Variants in PCYOX1 observed in about 807,000 individuals in gnomAD.
The protein encoded by PCYOX1 is prenylcysteine lyase.
PCYOX1 carries 46 observed loss-of-function variants against 46.4 expected under a neutral mutation model. That is an observed-to-expected ratio of 0.99 (90% CI 0.78 to 1.27). PCYOX1 has a LOEUF of 1.27. Among genes scored for constraint, PCYOX1 ranks in the 50% most tolerant of loss-of-function variants. The pLI is 0.00. For synonymous variants in PCYOX1, 220 were observed against 231.8 expected (o/e 0.95, Z 0.46); for missense variants, 658 against 628.3 (o/e 1.05, Z -0.51).
chr2:70,258,378 C>A (rs911683754), intron 1 of PCYOX1, 102 bp downstream of exon 1: 1 of 700,106 alleles, frequency 1.4e-6, no homozygotes, highest in Non-Finnish European at 2.2e-6. Context: ...CGCAGTCCAG[C>A]GGTGCAGGCC....
At position 70,277,903 on chromosome 2, in the gene PCYOX1, A is replaced by G. The variant is rs1696710377; in HGVS notation, c.*511A>G. ...AGTACCTGAGGGAGAACTTAAAGAC[A>G]TCTTAGTTGGGGAGTAGTCCTTTTG... is the stretch of plus-strand genomic sequence containing the variant. On this transcript the variant is annotated 3_prime_UTR_variant, in exon 6 of 6. Coordinates refer to ENST00000433351, the MANE Select transcript of PCYOX1 (RefSeq NM_016297.4). 1 of 152,646 alleles carries G rather than the reference A, an allele frequency of 6.6e-6. No individual in the cohort carries two copies. Among genetic ancestry groups the G allele is most frequent in the South Asian group, 2.1e-4 (1 of 4,836 alleles). The allele number at this position is 152,646 out of a possible 1,614,324, so 9.5% of individuals were successfully genotyped here. A position where few individuals can be genotyped will look rare whatever the true frequency, so the allele number is the denominator to read the frequency against.
At chr2:70,275,481 A>G (rs1312917400) in intron 4 of PCYOX1, 33 bp from the exon 5 acceptor site, 26 of 1,607,734 alleles carry the variant, frequency 1.6e-5, no homozygotes, top group Non-Finnish European at 2.1e-5. Context: ...ACAAAAAGTC[A>G]GAATTAAAAC....
chr2:70,268,968 T>G (rs1268809807), intron 3 of PCYOX1, among the ~76,000 whole-genome samples: 5 of 152,088 alleles, frequency 3.3e-5, no homozygotes. Context: ...CTTTTTTTGT[T>G]TAAGCCATCC....
Position 70,264,499 on chromosome 2 carries a change from T to TG in PCYOX1, c.494+3113_494+3114insG, listed in dbSNP as rs1220530298. 1.1e-3 allele frequency among the ~76,000 whole-genome samples: 162 copies of TG among 151,418 alleles called. 1 individual carries two copies. Among genetic ancestry groups the TG allele is most frequent in the Non-Finnish European group, 2.9e-4 (20 of 67,840 alleles). ...GTGCCACCATACCCAGATAATTTTT[T>TG]TATTTTTAGTAGAGATGGGGTTTTA... On this transcript the variant is annotated intron_variant, in intron 3 of 5. Coordinates refer to ENST00000433351, the MANE Select transcript of PCYOX1 (RefSeq NM_016297.4).
chr2:70,276,822 G>T lies in PCYOX1; in HGVS notation c.948G>T (p.Pro316=), dbSNP rs36012096. ...DFYDIVLVAT[P]LNRKMSNITF... is the part of the protein sequence containing the mutation. ...ATGACATCGTCTTGGTGGCCACTCC[G>T]TTGAATCGAAAAATGTCGAATATTA... Residue 316 remains proline, a synonymous_variant, in exon 6 of 6, where the codon CCG becomes CCT. Coordinates refer to ENST00000433351, the MANE Select transcript of PCYOX1 (RefSeq NM_016297.4). The T allele has an allele frequency of 0.016, 25,625 of 1,612,948 alleles. 2,227 individuals carry two copies. The African/African-American group carries it at 0.24, about 15-fold the overall frequency.
chr2:70,275,734 C>A, intron 5 of PCYOX1, 68 bp downstream of exon 5: 1 of 1,358,176 alleles, frequency 7.4e-7, no homozygotes, highest in South Asian at 1.2e-5. Flanking sequence ...AGAAACACTT[C>A]TCTTCTGTCA....
rs1240884853 is a variant in PCYOX1, at chr2:70,278,292, C to T, written c.*900C>T. Reference sequence around the variant, plus strand: ...TCAAAGACTGAGGATAGGACCTTAGCATTGTAGCTATTTAAAGTTTCTAAT... The same window carrying T: ...TCAAAGACTGAGGATAGGACCTTAGTATTGTAGCTATTTAAAGTTTCTAAT... On this transcript the variant is annotated 3_prime_UTR_variant, in exon 6 of 6. Coordinates refer to ENST00000433351, the MANE Select transcript of PCYOX1 (RefSeq NM_016297.4). 2 of 152,588 alleles carry T rather than the reference C, an allele frequency of 1.3e-5. No individual in the cohort carries two copies. The highest frequency in any genetic ancestry group is 1.5e-5 in the Non-Finnish European group (1 of 68,038). 9.5% of individuals were successfully genotyped at this position (152,588 alleles called of 1,614,324 possible). A position where few individuals can be genotyped will look rare whatever the true frequency, so the allele number is the denominator to read the frequency against.
In PCYOX1 at chr2:70,259,347, T is replaced by TC. The variant is rs202027319; in HGVS notation, c.113-13_113-12insC. ...AAGGGGAAAATATAATCTTCTGTTT[T>TC]TTTCCCTCATAGCGATTATTGGAGC... On this transcript the variant is annotated splice_polypyrimidine_tract_variant and intron_variant, in intron 1 of 5. Coordinates refer to ENST00000433351, the MANE Select transcript of PCYOX1 (RefSeq NM_016297.4). The TC allele has an allele frequency of 1.2e-3, 1,871 of 1,610,628 alleles. 28 individuals carry two copies. The African/African-American group carries it at 0.023, about 20-fold the overall frequency.
rs577943966 is a variant in PCYOX1 at position 70,276,805 on chromosome 2, G to C, written c.931G>C (p.Val311Leu). 13 of 1,612,598 alleles carry C rather than the reference G, an allele frequency of 8.1e-6. No individual in the cohort carries two copies. The highest frequency in any genetic ancestry group is 4.5e-5 in the East Asian group (2 of 44,878). The change falls in exon 6 of 6, where the codon GTC becomes CTC. Residue 311 changes from valine (V) to leucine (L), a missense_variant. Coordinates refer to ENST00000433351, the MANE Select transcript of PCYOX1 (RefSeq NM_016297.4). ...TETRSDFYDIVLVATPLNRKM... is the reference protein window; with the variant it reads ...TETRSDFYDILLVATPLNRKM... ...GACTCGTTCAGACTTCTATGACATC[G>C]TCTTGGTGGCCACTCCGTTGAATCG...
At chr2:70,261,161 A>C in intron 2 of PCYOX1, 51 bp from the exon 3 acceptor site, 2 of 1,259,968 alleles carry the variant, frequency 1.6e-6, no homozygotes, top group Non-Finnish European at 2.3e-6. Flanking sequence ...ACGTTCTTTC[A>C]TTTGATCAGC....
intron 3 of PCYOX1, among the ~76,000 whole-genome samples, chr2:70,262,099 G>C (rs921936338): frequency 2.6e-5 from 4 of 152,078 alleles, no homozygotes; most frequent in African/African-American, 9.7e-5. Flanking sequence ...ACATAAAATA[G>C]CCAGTCTAAT....
Position 70,259,560 on chromosome 2 carries a change from G to A in PCYOX1, c.313G>A (p.Asp105Asn), listed in dbSNP as rs1413963314. 2 of 1,612,492 alleles carry A rather than the reference G, an allele frequency of 1.2e-6. No homozygotes were observed. The highest frequency in any genetic ancestry group is 1.7e-5 in the Admixed American group (1 of 60,008). Residue 105 changes from aspartate (D) to asparagine (N), a missense_variant, in exon 2 of 6, where the codon GAC becomes AAC. Physicochemically the swap from Asp to Asn is conservative, Grantham distance 23. Coordinates refer to ENST00000433351, the MANE Select transcript of PCYOX1 (RefSeq NM_016297.4). The part of the protein sequence containing the change: ...LNLHMKRFVK[D>N]LGLSAVQASG... ...TCTGCACATGAAACGTTTTGTCAAA[G>A]ACCTGGGTATGTAATTTTGGTCTTG...
intron 3 of PCYOX1, among the ~76,000 whole-genome samples, chr2:70,268,791 G>GAA (rs762845553): frequency 1.8e-4 from 19 of 108,170 alleles, no homozygotes; most frequent in Admixed American, 3.0e-4. Flanking sequence ...CTCTGTCTCA[G>GAA]AAAAAAAAAA....
At position 70,258,149 on chromosome 2, in the gene PCYOX1, A is replaced by G. The variant is rs756659619; in HGVS notation, c.-16A>G. 7 of 1,580,496 alleles carry G rather than the reference A, an allele frequency of 4.4e-6. No individual in the cohort carries two copies. The highest frequency in any genetic ancestry group is 2.0e-4 in the Middle Eastern group (1 of 5,062). ...CTGCGGGGCTCTTGAGGCCAGCTGC[A>G]GAGCTTGTGGAGGCCATGGGGCGCG... On this transcript the variant is annotated 5_prime_UTR_variant, in exon 1 of 6. Coordinates refer to ENST00000433351, the MANE Select transcript of PCYOX1 (RefSeq NM_016297.4).
At position 70,271,467 on chromosome 2, in the gene PCYOX1, T is replaced by G. The variant is rs537845736; in HGVS notation, c.495-3492T>G. On this transcript the variant is annotated intron_variant, in intron 3 of 5. Coordinates refer to ENST00000433351, the MANE Select transcript of PCYOX1 (RefSeq NM_016297.4). ...TAAACGATTCCTCCAAACCATACATTTATAAATATTGTCATATTTAAAATG... is the reference window on the plus strand; with the variant it reads ...TAAACGATTCCTCCAAACCATACATGTATAAATATTGTCATATTTAAAATG... 8.6e-4 allele frequency among the ~76,000 whole-genome samples: 131 copies of G among 152,154 alleles called. 2 individuals carry two copies. The highest frequency in any genetic ancestry group is 3.4e-3 in the Middle Eastern group (1 of 294).
chr2:70,271,610 C>T (rs1696601836), intron 3 of PCYOX1, among the ~76,000 whole-genome samples: 1 of 152,036 alleles, frequency 6.6e-6, no homozygotes. Context: ...TTTGGATTCA[C>T]ACTTGCGCAG....
chr2:70,259,112 C>A (rs944125035), intron 1 of PCYOX1, among the ~76,000 whole-genome samples: 1 of 152,164 alleles, frequency 6.6e-6, no homozygotes, highest in Non-Finnish European at 1.5e-5. Flanking sequence ...CTGTGAGAAT[C>A]TTTGGGCATC....
In PCYOX1 at chr2:70,280,843, C is replaced by T. The variant is rs993830348; in HGVS notation, c.*3451C>T. ...GGTGTTTTACAAGAACTTTACCATA[C>T]TGGTGTGTAGTCCATTCTGTACAGT... On this transcript the variant is annotated 3_prime_UTR_variant, in exon 6 of 6. Coordinates refer to ENST00000433351, the MANE Select transcript of PCYOX1 (RefSeq NM_016297.4). 1 of 152,182 alleles carries T rather than the reference C, an allele frequency of 6.6e-6. No individual in the cohort carries two copies. Among genetic ancestry groups the T allele is most frequent in the Non-Finnish European group, 1.5e-5 (1 of 68,024 alleles). 9.4% of individuals were successfully genotyped at this position (152,182 alleles called of 1,614,324 possible).
intron 3 of PCYOX1, among the ~76,000 whole-genome samples, chr2:70,267,731 T>C (rs1359669148): frequency 1.4e-5 from 2 of 139,974 alleles, no homozygotes; most frequent in Non-Finnish European, 3.0e-5. Flanking sequence ...TGAGTCGAGA[T>C]GGCAGCAGTA....
Sources: gnomAD v4.1 joint callset for allele counts (sites outside exome capture counted in the v4.1 genomes callset) on GRCh38, gnomAD v4.1.1 for gene constraint, MANE v1.5 for transcripts, NCBI Gene and HGNC (gene_info 2026-07-23, HGNC 2026-07-21) for gene names.